Variants in CTNND2 observed in about 807,000 individuals in gnomAD.
The protein encoded by CTNND2 is catenin delta-2.
A neutral mutation model predicts 144.4 loss-of-function variants in CTNND2; 22 were observed. The observed-to-expected ratio is 0.15, with a 90% confidence interval of 0.11 to 0.22. The LOEUF is 0.22. CTNND2 is among the 10% of genes least tolerant of loss of function. The probability of loss-of-function intolerance (pLI) is 1.00; values close to 1 mark genes in which losing one functional copy is unlikely to be tolerated. For synonymous variants in CTNND2, 751 were observed against 695.6 expected (o/e 1.08, Z -1.25); for missense variants, 1,353 against 1,618.8 (o/e 0.84, Z 2.82).
intron 9 of CTNND2, among the ~76,000 whole-genome samples, chr5:11,261,133 C>A (rs938805852): frequency 4.6e-5 from 7 of 152,058 alleles, no homozygotes; most frequent in Non-Finnish European, 7.4e-5. Context: ...CCAGAAAGGA[C>A]TTGGTGGGGG....
chr5:11,496,416 A>C (rs1000789985), intron 3 of CTNND2, among the ~76,000 whole-genome samples: 2 of 152,204 alleles, frequency 1.3e-5, no homozygotes, highest in African/African-American at 2.4e-5. Context: ...GTTTTATTGT[A>C]AGATTTCTTC....
chr5:11,120,991 A>C (rs1475857221), intron 12 of CTNND2, among the ~76,000 whole-genome samples: 1 of 152,156 alleles, frequency 6.6e-6, no homozygotes, highest in Non-Finnish European at 1.5e-5. Context: ...CCCCACAGAC[A>C]CAAGTTCTAC....
At chr5:11,462,755 A>T (rs980142321) in intron 3 of CTNND2, among the ~76,000 whole-genome samples, 3 of 152,158 alleles carry the variant, frequency 2.0e-5, no homozygotes, top group African/African-American at 7.2e-5. Flanking sequence ...ATAATTTTTA[A>T]TAATTTAATA....
At chr5:11,548,076 C>T (rs1472403585) in intron 3 of CTNND2, among the ~76,000 whole-genome samples, 2 of 152,106 alleles carry the variant, frequency 1.3e-5, no homozygotes, top group Non-Finnish European at 2.9e-5. Flanking sequence ...AATGCATGAA[C>T]TACCAGCACC....
intron 16 of CTNND2, among the ~76,000 whole-genome samples, chr5:11,064,236 C>T (rs947155979): frequency 6.6e-6 from 1 of 152,120 alleles, no homozygotes; most frequent in Admixed American, 6.5e-5. Context: ...GCCAAGTTGT[C>T]GGGCTATTTT....
In CTNND2 at chr5:11,793,899, C is replaced by T. The variant is rs541487837; in HGVS notation, c.38-61627G>A. On this transcript the variant is annotated intron_variant, in intron 1 of 21. Transcript: ENST00000304623. Reference sequence around the variant, plus strand: ...GGTTATTTATTCCTAGATGTTATTCCTCATGTGACAGTTTTCATAGACATA... The same window carrying T: ...GGTTATTTATTCCTAGATGTTATTCTTCATGTGACAGTTTTCATAGACATA... Among the ~76,000 whole-genome samples, 5 of 152,278 alleles carry T rather than the reference C, an allele frequency of 3.3e-5. No homozygotes were observed. The South Asian group carries it at 1.0e-3, about 32-fold the overall frequency.
chr5:11,254,990 A>C (rs1309744976), intron 9 of CTNND2, among the ~76,000 whole-genome samples: 1 of 152,224 alleles, frequency 6.6e-6, no homozygotes. Flanking sequence ...GTTGTAATTT[A>C]AAATTTGTCT....
intron 9 of CTNND2, among the ~76,000 whole-genome samples, chr5:11,303,190 C>T (rs139174130): frequency 6.6e-6 from 1 of 152,338 alleles, no homozygotes; most frequent in East Asian, 1.9e-4. Flanking sequence ...GAAAATACAG[C>T]TAAACTGAAT....
intron 1 of CTNND2, among the ~76,000 whole-genome samples, chr5:11,809,136 T>A (rs1373391049): frequency 6.6e-6 from 1 of 152,196 alleles, no homozygotes; most frequent in Non-Finnish European, 1.5e-5. Flanking sequence ...ATGACAAATG[T>A]GGATGTTTTC....
In CTNND2 at chr5:11,010,337, A is replaced by T. The variant is rs140090280; in HGVS notation, c.3084+7637T>A. Among the ~76,000 whole-genome samples the T allele has an allele frequency of 2.2e-4, 33 of 152,382 alleles. No individual in the cohort carries two copies. The East Asian group carries it at 6.4e-3, about 29-fold the overall frequency. Reference sequence around the variant, plus strand: ...CTATTAATTCTCAAAATGGCAACATATTGGAAGACATATTAAAGCCCTTCA... The same window carrying T: ...CTATTAATTCTCAAAATGGCAACATTTTGGAAGACATATTAAAGCCCTTCA... On this transcript the variant is annotated intron_variant, in intron 18 of 21. Transcript: ENST00000304623.
intron 3 of CTNND2, among the ~76,000 whole-genome samples, chr5:11,440,000 T>A (rs1764130173): frequency 6.6e-6 from 1 of 152,000 alleles, no homozygotes; most frequent in Non-Finnish European, 1.5e-5. Flanking sequence ...TTAAGAGAGA[T>A]GACAAAGGAG....
chr5:11,590,856 C>CA lies in CTNND2; in HGVS notation c.175-25801dup, dbSNP rs1779197706. Among the ~76,000 whole-genome samples the CA allele has an allele frequency of 2.6e-5, 4 of 152,358 alleles. No homozygotes were observed. The South Asian group carries it at 8.3e-4, about 32-fold the overall frequency. On this transcript the variant is annotated intron_variant, in intron 2 of 21. Transcript: ENST00000304623. ...CCTTTGCTGACACCTTTCTCAGATT[C>CA]AGCCCACTTTCACCCAAGTGAATAA... is the stretch of plus-strand genomic sequence containing the variant.
intron 1 of CTNND2, among the ~76,000 whole-genome samples, chr5:11,755,642 T>TTTC (rs1788890700): frequency 3.9e-3 from 1 of 256 alleles, no homozygotes; most frequent in South Asian, 0.17. Context: ...TTCATTCTTC[T>TTTC]TTTTTTTTTT....
At chr5:11,077,559 G>T (rs1749078974) in intron 16 of CTNND2, among the ~76,000 whole-genome samples, 1 of 152,170 alleles carries the variant, frequency 6.6e-6, no homozygotes, top group Admixed American at 6.5e-5. Flanking sequence ...GGTTGGAGAG[G>T]TCATAGGGAG....
intron 9 of CTNND2, among the ~76,000 whole-genome samples, chr5:11,295,652 A>G (rs1261305683): frequency 6.6e-6 from 1 of 152,212 alleles, no homozygotes; most frequent in Non-Finnish European, 1.5e-5. Context: ...CAAATGGAAC[A>G]GAACAGAGCC....
intron 9 of CTNND2, among the ~76,000 whole-genome samples, chr5:11,248,097 T>C (rs1743190492): frequency 6.6e-6 from 1 of 152,174 alleles, no homozygotes; most frequent in Non-Finnish European, 1.5e-5. Context: ...ATGTATCTAT[T>C]TTAAAATTAA....
chr5:11,640,175 T>G (rs1270686629), intron 2 of CTNND2, among the ~76,000 whole-genome samples: 1 of 152,240 alleles, frequency 6.6e-6, no homozygotes, highest in Non-Finnish European at 1.5e-5. Flanking sequence ...TTCTTTATTA[T>G]GTAATAGAAA....
At chr5:11,297,498 T>C (rs1259880831) in intron 9 of CTNND2, among the ~76,000 whole-genome samples, 1 of 152,198 alleles carries the variant, frequency 6.6e-6, no homozygotes, top group African/African-American at 2.4e-5. Flanking sequence ...TCTTCTTATA[T>C]TGGAAAACAT....
At chr5:11,013,043 C>T (rs1481408328) in intron 18 of CTNND2, among the ~76,000 whole-genome samples, 2 of 152,168 alleles carry the variant, frequency 1.3e-5, no homozygotes, top group Non-Finnish European at 2.9e-5. Flanking sequence ...GCAGAAAGAT[C>T]TCTCTCACCT....
Sources: allele counts gnomAD v4.1 joint callset (sites outside exome capture counted in the v4.1 genomes callset), GRCh38; gene constraint gnomAD v4.1.1; transcripts MANE v1.5; gene names NCBI Gene and HGNC (gene_info 2026-07-23, HGNC 2026-07-21).